N4BP2: variants seen among roughly 807,000 people sequenced by gnomAD.
N4BP2 encodes NEDD4 binding protein 2, also known as NEDD4-binding protein 2.
A neutral mutation model predicts 152.8 loss-of-function variants in N4BP2; 91 were observed. The observed-to-expected ratio is 0.60, with a 90% confidence interval of 0.50 to 0.71. N4BP2 has a LOEUF of 0.71. Among genes scored for constraint, N4BP2 ranks in the 30% least tolerant of loss-of-function variants. The pLI is 0.00. For missense variants in N4BP2, 1,923 were observed against 2,059.1 expected, an observed-to-expected ratio of 0.93 and a Z score of 1.28; for synonymous variants, 646 against 705.3, an observed-to-expected ratio of 0.92 and a Z score of 1.33.
At chr4:40,110,369 T>G (rs1352372910) in intron 5 of N4BP2, among the ~76,000 whole-genome samples, 2 of 152,258 alleles carry the variant, frequency 1.3e-5, no homozygotes, top group East Asian at 1.9e-4. Context: ...TAATAATTTA[T>G]GAGGGTTTCA....
the N4BP2 span, among the ~76,000 whole-genome samples, chr4:40,184,307 C>G: frequency 1.5e-4 from 22 of 151,438 alleles, no homozygotes; most frequent in African/African-American, 5.3e-4. Context: ...CCTCAAAATG[C>G]AGCACTGGAC....
At chr4:40,087,195 G>A (rs945345244) in intron 2 of N4BP2, among the ~76,000 whole-genome samples, 1 of 151,736 alleles carries the variant, frequency 6.6e-6, no homozygotes, top group Non-Finnish European at 1.5e-5. Flanking sequence ...TGTTCTTACT[G>A]TTTCACCCCT....
At chr4:40,086,667 A>T (rs1378615127) in intron 2 of N4BP2, among the ~76,000 whole-genome samples, 2 of 151,978 alleles carry the variant, frequency 1.3e-5, no homozygotes, top group African/African-American at 4.8e-5. Flanking sequence ...AGAACATAAG[A>T]AAAAGACTTA....
chr4:40,165,494 C>A, the N4BP2 span, among the ~76,000 whole-genome samples: 1 of 152,130 alleles, frequency 6.6e-6, no homozygotes, highest in East Asian at 1.9e-4. Context: ...AGTGATCCAC[C>A]TGCTTTGGTC....
At chr4:40,068,723 T>C (rs1399047223) in intron 1 of N4BP2, among the ~76,000 whole-genome samples, 1 of 152,208 alleles carries the variant, frequency 6.6e-6, no homozygotes, top group African/African-American at 2.4e-5. Flanking sequence ...AGCTCTGTAA[T>C]GTAAGGTGTT....
rs1721610011 is a variant in N4BP2, at chr4:40,156,541, A to G, written c.*2304A>G. On this transcript the variant is annotated 3_prime_UTR_variant, in exon 18 of 18. Transcript: ENST00000261435. ...TCTAGCATAGTTTAAGCAACACATAATTTTGAAAGAAAAGTTTGTAATCCC... is the reference window on the plus strand; with the variant it reads ...TCTAGCATAGTTTAAGCAACACATAGTTTTGAAAGAAAAGTTTGTAATCCC... 6.6e-6 allele frequency: 1 copy of G among 152,122 alleles called. No homozygotes were observed. The highest frequency in any genetic ancestry group is 6.5e-5 in the Admixed American group (1 of 15,272). 9.4% of individuals were successfully genotyped at this position (152,122 alleles called of 1,614,324 possible).
At chr4:40,057,256 G>A (rs907356) in intron 1 of N4BP2, 24,340 of 152,292 alleles carry the variant, frequency 0.16, 2,103 homozygotes, top group Middle Eastern at 0.22. Flanking sequence ...CGAGAGGCGG[G>A]CCCTGGCGCT....
At chr4:40,180,612 T>C in the N4BP2 span, among the ~76,000 whole-genome samples, 86 of 152,344 alleles carry the variant, frequency 5.6e-4, 1 homozygote, top group South Asian at 6.8e-3. Flanking sequence ...CAGTTCACAA[T>C]TACAAAACGT....
At chr4:40,069,349 A>AATCACTTG (rs1384998872) in intron 1 of N4BP2, among the ~76,000 whole-genome samples, 1 of 152,094 alleles carries the variant, frequency 6.6e-6, no homozygotes, top group East Asian at 1.9e-4. Context: ...GAGGCAGGAG[A>AATCACTTG]ATCACTTGAA....
chr4:40,062,045 T>A lies in N4BP2; in HGVS notation c.-212+5015T>A, dbSNP rs1340859356. 2.6e-5 allele frequency among the ~76,000 whole-genome samples: 4 copies of A among 151,168 alleles called. No individual in the cohort carries two copies. The East Asian group carries it at 5.8e-4, about 22-fold the overall frequency. On this transcript the variant is annotated intron_variant, in intron 1 of 17. Transcript: ENST00000261435. ...TTTGGTTTTATTTATTTATTTATTT[T>A]TGTTTTGTTTTTACTGCTTTATTTT...
chr4:40,185,850 G>C, the N4BP2 span, among the ~76,000 whole-genome samples: 1 of 152,082 alleles, frequency 6.6e-6, no homozygotes, highest in Non-Finnish European at 1.5e-5. Context: ...AACGCAGCAG[G>C]CTTAGTTTGA....
chr4:40,142,305 GGC>G (rs1428242732), intron 14 of N4BP2: 1 of 322,296 alleles, frequency 3.1e-6, no homozygotes, highest in Non-Finnish European at 6.1e-6. Flanking sequence ...TCCTCTCTCT[GGC>G]GGTGGTGGCG....
intron 8 of N4BP2, among the ~76,000 whole-genome samples, chr4:40,118,388 C>T (rs1216826664): frequency 6.6e-6 from 1 of 152,114 alleles, no homozygotes; most frequent in Admixed American, 6.5e-5. Flanking sequence ...GCCGAGATTG[C>T]GCCATTGCAT....
Position 40,103,278 on chromosome 4 carries a change from T to G in N4BP2, c.1373+60T>G, listed in dbSNP as rs1715889348. 3.5e-6 allele frequency: 5 copies of G among 1,431,650 alleles called. No homozygotes were observed. The South Asian group carries it at 4.1e-5, about 12-fold the overall frequency. 88.7% of individuals were successfully genotyped at this position (1,431,650 alleles called of 1,614,324 possible). A position where few individuals can be genotyped will look rare whatever the true frequency, so the allele number is the denominator to read the frequency against. On this transcript the variant is annotated intron_variant, in intron 4 of 17. Coordinates refer to ENST00000261435, the MANE Select transcript of N4BP2 (RefSeq NM_018177.6). Reference sequence around the variant, plus strand: ...TAATGTCTGAATTTGAACACAAGTATGAATAAATAGGCAAAATGCTTTGCT... The same window carrying G: ...TAATGTCTGAATTTGAACACAAGTAGGAATAAATAGGCAAAATGCTTTGCT...
rs754583432 is a variant in N4BP2, at chr4:40,121,731, G to A, written c.3620G>A (p.Arg1207Lys). The A allele has an allele frequency of 6.2e-7, 1 of 1,614,040 alleles. No homozygotes were observed. The highest frequency in any genetic ancestry group is 8.5e-7 in the Non-Finnish European group (1 of 1,179,988). Residue 1207 changes from arginine (R) to lysine (K), a missense_variant, in exon 9 of 18, where the codon AGA becomes AAA. Coordinates refer to ENST00000261435, the MANE Select transcript of N4BP2 (RefSeq NM_018177.6). ...GGAAACTCAGAGCAGGCGGAAATGA[G>A]AGCTGTCACTCCTGAAAACCATGAA... ...ERGNSEQAEM[R>K]AVTPENHESM...
chr4:40,163,911 A>G, the N4BP2 span, among the ~76,000 whole-genome samples: 1 of 152,204 alleles, frequency 6.6e-6, no homozygotes, highest in African/African-American at 2.4e-5. Flanking sequence ...CCCGGCTATT[A>G]ATAGCAGAGC....
At chr4:40,071,433 C>G (rs1312043077) in intron 1 of N4BP2, among the ~76,000 whole-genome samples, 1 of 152,154 alleles carries the variant, frequency 6.6e-6, no homozygotes, top group Non-Finnish European at 1.5e-5. Flanking sequence ...TCAGGTCCCA[C>G]TATTTTGATG....
rs1328667184 is a variant in N4BP2 at position 40,121,999 on chromosome 4, T to C, written c.3888T>C (p.Asn1296=). The C allele has an allele frequency of 4.5e-6, 7 of 1,542,812 alleles. No individual in the cohort carries two copies. The East Asian group carries it at 1.6e-4, about 35-fold the overall frequency. Residue 1296 remains asparagine (N), a synonymous_variant, in exon 9 of 18, where the codon AAT becomes AAC. Transcript: ENST00000261435. ...DIFNFVSSTS[N]LELNEEIYFT... is the part of the protein sequence containing the mutation. The stretch of plus-strand genomic sequence containing the variant: ...TTAACTTTGTATCTAGTACTTCAAA[T>C]CTTGAATTAAATGAAGAAATTTATT...
chr4:40,152,991 A>C, intron 17 of N4BP2, 88 bp downstream of exon 17: 2 of 1,294,542 alleles, frequency 1.5e-6, no homozygotes, highest in African/African-American at 1.5e-5. Flanking sequence ...TCTGTTATTG[A>C]TAATAGCAAT....
Sources: gnomAD v4.1 joint callset for allele counts (sites outside exome capture counted in the v4.1 genomes callset) on GRCh38, gnomAD v4.1.1 for gene constraint, MANE v1.5 for transcripts, NCBI Gene and HGNC (gene_info 2026-07-23, HGNC 2026-07-21) for gene names.